The following TPD52 variants were observed in gnomAD, a reference collection of about 807,000 sequenced individuals.
TPD52 encodes the protein prostate and colon associated protein.
Under a neutral mutation model 31.3 loss-of-function variants are expected in TPD52, and 17 were observed. The ratio of observed to expected loss-of-function variants is 0.54; its 90% CI spans 0.37 to 0.82. The LOEUF is 0.82. Among genes scored for constraint, TPD52 ranks in the 40% least tolerant of loss-of-function variants. TPD52 has a pLI of 0.00. For missense variants in TPD52, 212 were observed against 240.1 expected (o/e 0.88, Z 0.77); for synonymous variants, 83 against 89.6 (o/e 0.93, Z 0.42).
chr8:80,143,794 G>A (rs1233850530), intron 1 of TPD52, among the ~76,000 whole-genome samples: 3 of 152,120 alleles, frequency 2.0e-5, no homozygotes, highest in Admixed American at 1.3e-4. Flanking sequence ...CATTGCAACA[G>A]GAAGCTAAAC....
chr8:80,053,486 A>G, intron 2 of TPD52, 56 bp from the exon 3 acceptor site: 1 of 1,563,276 alleles, frequency 6.4e-7, no homozygotes, highest in Non-Finnish European at 8.7e-7. Context: ...GTAAGTTAAG[A>G]TTATTACCAC....
At chr8:80,124,172 G>GT (rs11321587) in intron 1 of TPD52, among the ~76,000 whole-genome samples, 2,466 of 146,388 alleles carry the variant, frequency 0.017, 59 homozygotes, top group African/African-American at 0.058. Context: ...CTCTCTTTTT[G>GT]TTTTTTTTTT....
intron 1 of TPD52, among the ~76,000 whole-genome samples, chr8:80,160,765 C>T (rs1213466932): frequency 6.6e-6 from 1 of 151,868 alleles, no homozygotes; most frequent in Non-Finnish European, 1.5e-5. Context: ...ACTGGCTGGA[C>T]ACGGGCGGTG....
chr8:80,051,663 G>A (rs1308779515), intron 3 of TPD52, 35 bp from the exon 4 acceptor site: 2 of 1,503,852 alleles, frequency 1.3e-6, no homozygotes, highest in Admixed American at 2.2e-5. Flanking sequence ...AGCAAAAGAA[G>A]GGTCAGCTCA....
chr8:80,149,373 C>T (rs1315207375), intron 1 of TPD52, among the ~76,000 whole-genome samples: 5 of 152,202 alleles, frequency 3.3e-5, no homozygotes, highest in Admixed American at 3.3e-4. Flanking sequence ...GATTGTGAGG[C>T]CTCCCCAGCC....
intron 1 of TPD52, among the ~76,000 whole-genome samples, chr8:80,124,443 G>C (rs1338747580): frequency 6.6e-6 from 1 of 152,146 alleles, no homozygotes; most frequent in Non-Finnish European, 1.5e-5. Flanking sequence ...AAAGTGCTGG[G>C]ATTACAGATG....
chr8:80,052,784 G>A, intron 3 of TPD52: 2 of 525,774 alleles, frequency 3.8e-6, no homozygotes, highest in Non-Finnish European at 5.9e-6. Flanking sequence ...ATATATCTGA[G>A]ACTACGACCT....
chr8:80,060,620 G>A (rs1812414920), intron 2 of TPD52, among the ~76,000 whole-genome samples: 1 of 149,376 alleles, frequency 6.7e-6, no homozygotes, highest in African/African-American at 2.6e-5. Context: ...TATAAAACAT[G>A]ACCAAGTGGA....
rs73263590 is a variant in TPD52, at chr8:80,115,718, T to G, written c.20-51125A>C. ...CTATGAATTCAATAAAATCCATCAC[T>G]TGTTTCTTGAAGCCTAACAGAGCCT... is the stretch of plus-strand genomic sequence containing the variant. On this transcript the variant is annotated intron_variant, in intron 1 of 7. Transcript: ENST00000518937. Among the ~76,000 whole-genome samples the G allele has an allele frequency of 5.7e-3, 875 of 152,344 alleles. 11 individuals are homozygous for G. The highest frequency in any genetic ancestry group is 0.02 in the African/African-American group (846 of 41,586).
Position 80,064,565 on chromosome 8 carries a change from C to A in TPD52, c.48G>T (p.Glu16Asp), listed in dbSNP as rs754394019. 1.8e-5 allele frequency: 29 copies of A among 1,614,026 alleles called. No individual in the cohort carries two copies. The African/African-American group carries it at 3.7e-4, about 21-fold the overall frequency. ...QGLLRTDPVPEEGEDVAATIS... is the reference protein window; with the variant it reads ...QGLLRTDPVPDEGEDVAATIS... Reference sequence around the variant, plus strand: ...TCGTGGCAGCAACATCTTCTCCTTCCTCAGGGACTGGGTCTGTTCTCAGCA... The same window carrying A: ...TCGTGGCAGCAACATCTTCTCCTTCATCAGGGACTGGGTCTGTTCTCAGCA... Residue 16 changes from glutamate (E) to aspartate (D), a missense_variant, in exon 2 of 8, where the codon GAG (glutamate) becomes GAT (aspartate). By Grantham distance (45) the Glu-to-Asp change is conservative (BLOSUM62 2). Transcript: ENST00000518937.
At chr8:80,086,387 G>T (rs929199242) in intron 1 of TPD52, among the ~76,000 whole-genome samples, 2 of 151,708 alleles carry the variant, frequency 1.3e-5, no homozygotes, top group Non-Finnish European at 2.9e-5. Flanking sequence ...AAGGTGCTGG[G>T]ATTACAGGTG....
intron 1 of TPD52, among the ~76,000 whole-genome samples, chr8:80,073,224 C>CA (rs1301154373): frequency 1.3e-5 from 2 of 152,138 alleles, no homozygotes; most frequent in Non-Finnish European, 2.9e-5. Flanking sequence ...GAATATACAA[C>CA]AAAAATGTAT....
intron 1 of TPD52, among the ~76,000 whole-genome samples, chr8:80,147,871 T>C (rs1810311738): frequency 1.3e-5 from 2 of 151,986 alleles, no homozygotes; most frequent in African/African-American, 4.8e-5. Context: ...ACACCCCCTG[T>C]ACTTTATTTC....
chr8:80,127,837 C>CACACAG (rs1808737209), intron 1 of TPD52, among the ~76,000 whole-genome samples: 1 of 43,902 alleles, frequency 2.3e-5, no homozygotes, highest in Non-Finnish European at 5.0e-5. Flanking sequence ...CACACACACA[C>CACACAG]AGAGATACAT....
chr8:80,033,277 G>C (rs1236235182), downstream of TPD52: 1 of 149,486 alleles, frequency 6.7e-6, no homozygotes, highest in Non-Finnish European at 1.5e-5. Context: ...AACTCTTCTC[G>C]TTGCCTGCAA....
intron 1 of TPD52, among the ~76,000 whole-genome samples, chr8:80,095,316 C>T (rs972923959): frequency 6.6e-6 from 1 of 151,948 alleles, no homozygotes; most frequent in Non-Finnish European, 1.5e-5. Flanking sequence ...CTGGAAAAGA[C>T]AAAATTATGG....
chr8:80,041,777 GAACA>G (rs1420464160), intron 7 of TPD52, among the ~76,000 whole-genome samples: 1 of 152,116 alleles, frequency 6.6e-6, no homozygotes, highest in Non-Finnish European at 1.5e-5. Flanking sequence ...ATTGAGGACT[GAACA>G]AATAATATCC....
intron 2 of TPD52, among the ~76,000 whole-genome samples, chr8:80,056,367 G>A (rs982936654): frequency 9.2e-5 from 14 of 152,166 alleles, no homozygotes; most frequent in African/African-American, 3.4e-4. Flanking sequence ...TAGAGGTTGG[G>A]AAAGGGAGGA....
At chr8:80,077,514 A>G (rs1393044572) in intron 1 of TPD52, among the ~76,000 whole-genome samples, 1 of 152,206 alleles carries the variant, frequency 6.6e-6, no homozygotes, top group Non-Finnish European at 1.5e-5. Flanking sequence ...GGAGAACTTA[A>G]GCCTTGAATA....
Sources: gnomAD v4.1 joint callset for allele counts (sites outside exome capture counted in the v4.1 genomes callset) on GRCh38, gnomAD v4.1.1 for gene constraint, MANE v1.5 for transcripts, NCBI Gene and HGNC (gene_info 2026-07-23, HGNC 2026-07-21) for gene names.